The following KIF27 variants were observed in gnomAD, a reference collection of about 807,000 sequenced individuals.
KIF27 encodes kinesin family member 27, also known as kinesin-like protein KIF27.
Under a neutral mutation model 141.8 loss-of-function variants are expected in KIF27, and 84 were observed. The ratio of observed to expected loss-of-function variants is 0.59; its 90% CI spans 0.50 to 0.71. KIF27 has a LOEUF of 0.71. Ranked by LOEUF, KIF27 falls within the 30% of genes least tolerant of loss-of-function variation. The pLI, the probability that KIF27 is intolerant of heterozygous loss-of-function variation, is 0.00. For missense variants in KIF27, 1,306 were observed against 1,628.4 expected (o/e 0.80, Z 3.41); for synonymous variants, 471 against 569.5 (o/e 0.83, Z 2.46).
chr9:83,857,044 C>A (rs1588019148), intron 14 of KIF27, among the ~76,000 whole-genome samples: 2 of 143,490 alleles, frequency 1.4e-5, no homozygotes. Flanking sequence ...ATCTAAAGTT[C>A]AGGTATTCTT....
chr9:83,850,942 A>G (rs1035109031), intron 15 of KIF27, among the ~76,000 whole-genome samples: 3 of 126,776 alleles, frequency 2.4e-5, no homozygotes, highest in African/African-American at 9.4e-5. Flanking sequence ...GGTTCATGCC[A>G]TTCTCCTGCC....
intron 5 of KIF27, among the ~76,000 whole-genome samples, chr9:83,891,941 T>C (rs949066145): frequency 1.3e-5 from 2 of 152,048 alleles, no homozygotes; most frequent in African/African-American, 4.8e-5. Flanking sequence ...TGCAGGGAAG[T>C]GAAAGCCTTA....
rs35742494 is a variant in KIF27 at position 83,867,637 on chromosome 9, A to G, written c.2934+47T>C. On this transcript the variant is annotated intron_variant, in intron 13 of 17. Transcript: ENST00000297814. ...GATTATAGCCATCCTAGTGGGGAGT[A>G]GGGAGTGGTTTACAACCAGAATCAA... 2.0e-4 allele frequency: 307 copies of G among 1,530,926 alleles called. 1 individual carries two copies. The African/African-American group carries it at 3.7e-3, about 19-fold the overall frequency. 94.8% of individuals were successfully genotyped at this position (1,530,926 alleles called of 1,614,324 possible).
chr9:83,892,239 GA>G (rs749492273), intron 5 of KIF27, among the ~76,000 whole-genome samples: 27 of 151,566 alleles, frequency 1.8e-4, no homozygotes, highest in African/African-American at 5.8e-4. Flanking sequence ...GTTGAAATAG[GA>G]AAAAAAACCT....
Position 83,859,084 on chromosome 9 carries a change from T to C in KIF27, c.3150+72A>G, listed in dbSNP as rs530419565. On this transcript the variant is annotated intron_variant, in intron 14 of 17. Coordinates refer to ENST00000297814, the MANE Select transcript of KIF27 (RefSeq NM_017576.4). ...TTACCAGATAATATTTATGATTATG[T>C]GAAAAAGACTGAGGAAATCACTCAA... is the stretch of plus-strand genomic sequence containing the variant. 21 of 1,045,588 alleles carry C rather than the reference T, an allele frequency of 2.0e-5. No individual in the cohort carries two copies. In the African/African-American group the frequency reaches 2.5e-4, roughly 13 times the overall value. 64.8% of individuals were successfully genotyped at this position (1,045,588 alleles called of 1,614,324 possible). A position where few individuals can be genotyped will look rare whatever the true frequency, so the allele number is the denominator to read the frequency against.
In KIF27 at chr9:83,918,669, A is replaced by C. The variant is rs548539316; in HGVS notation, c.-88+2702T>G. Among the ~76,000 whole-genome samples the C allele has an allele frequency of 6.7e-4, 102 of 152,286 alleles. 1 individual carries two copies. Among genetic ancestry groups the C allele is most frequent in the African/African-American group, 2.5e-3 (102 of 41,572 alleles). ...AATCACAATGAGAGGCCAGGTGCAC[A>C]GTGGTTCATGCCTGTAATCCCAGAA... On this transcript the variant is annotated intron_variant, in intron 1 of 17. Coordinates refer to ENST00000297814, the MANE Select transcript of KIF27 (RefSeq NM_017576.4).
chr9:83,879,055 G>A (rs536254801), intron 11 of KIF27, among the ~76,000 whole-genome samples: 4 of 150,902 alleles, frequency 2.7e-5, no homozygotes, highest in East Asian at 2.0e-4. Context: ...GTGCACGCCT[G>A]TAATCCCAGC....
At chr9:83,905,021 T>C (rs1245177813) in intron 3 of KIF27, among the ~76,000 whole-genome samples, 5 of 151,606 alleles carry the variant, frequency 3.3e-5, no homozygotes, top group Non-Finnish European at 7.4e-5. Context: ...TAATGTACCA[T>C]ACTCAAAAAA....
intron 13 of KIF27, among the ~76,000 whole-genome samples, chr9:83,866,369 C>T (rs1201074040): frequency 1.3e-5 from 2 of 152,190 alleles, no homozygotes; most frequent in Non-Finnish European, 1.5e-5. Context: ...CTTGGCCTGG[C>T]TCTCATTTGT....
At chr9:83,846,071 T>C (rs1947233350) in intron 16 of KIF27, among the ~76,000 whole-genome samples, 1 of 151,954 alleles carries the variant, frequency 6.6e-6, no homozygotes, top group African/African-American at 2.4e-5. Context: ...CTCAGCAACA[T>C]GGACTTCCAC....
rs372447063 is a variant in KIF27, at chr9:83,836,977, A to G, written c.*24T>C. The G allele has an allele frequency of 2.4e-4, 377 of 1,600,994 alleles. 3 individuals carry two copies. Among genetic ancestry groups the G allele is most frequent in the South Asian group, 2.1e-3 (184 of 88,494 alleles). On this transcript the variant is annotated 3_prime_UTR_variant, in exon 18 of 18. Transcript: ENST00000297814. ...GAAAAAGGAATCTTTTTACATATCT[A>G]CTAAAAGTTCTATTATTCAATGTCT...
chr9:83,849,775 A>G (rs1948322252), intron 16 of KIF27, among the ~76,000 whole-genome samples: 1 of 152,230 alleles, frequency 6.6e-6, no homozygotes, highest in Admixed American at 6.5e-5. Flanking sequence ...GAAATAAAAA[A>G]AAATTCAACT....
chr9:83,871,646 C>G (rs1258333496), intron 11 of KIF27, among the ~76,000 whole-genome samples: 1 of 151,192 alleles, frequency 6.6e-6, no homozygotes, highest in Non-Finnish European at 1.5e-5. Context: ...GAAGACAGAT[C>G]ATGGTCTTAT....
chr9:83,914,381 C>T (rs1281732599), intron 2 of KIF27, among the ~76,000 whole-genome samples: 1 of 152,046 alleles, frequency 6.6e-6, no homozygotes, highest in Non-Finnish European at 1.5e-5. Context: ...CTTAAGGCTC[C>T]TCCATTTTAA....
intron 15 of KIF27, among the ~76,000 whole-genome samples, chr9:83,851,546 C>T (rs1201884772): frequency 4.6e-5 from 7 of 152,102 alleles, no homozygotes; most frequent in Non-Finnish European, 7.3e-5. Context: ...TTCGTAGAGA[C>T]GGTCTCACTA....
intron 14 of KIF27, chr9:83,858,573 C>A (rs1472742156): frequency 6.6e-6 from 1 of 152,124 alleles, no homozygotes; most frequent in Non-Finnish European, 1.5e-5. Context: ...ATAAATGAAT[C>A]ATCTTCTACA....
In KIF27 at chr9:83,834,148, T is replaced by C. The variant is rs1327529312; in HGVS notation, c.*2853A>G. Among the ~76,000 whole-genome samples, 1 of 151,812 alleles carries C rather than the reference T, an allele frequency of 6.6e-6. No homozygotes were observed. Among genetic ancestry groups the C allele is most frequent in the Non-Finnish European group, 1.5e-5 (1 of 67,910 alleles). ...CAGTTAAGAGGAAAAAAGAACATAATGAACGAAAAAAAGAAAACCACAAAC... is the reference window on the plus strand; with the variant it reads ...CAGTTAAGAGGAAAAAAGAACATAACGAACGAAAAAAAGAAAACCACAAAC... On this transcript the variant is annotated 3_prime_UTR_variant, in exon 18 of 18. Coordinates refer to ENST00000297814, the MANE Select transcript of KIF27 (RefSeq NM_017576.4).
chr9:83,918,375 G>A (rs77248201), intron 1 of KIF27, among the ~76,000 whole-genome samples: 2,346 of 151,306 alleles, frequency 0.016, 83 homozygotes, highest in African/African-American at 0.055. Flanking sequence ...AAGGAAAAAC[G>A]ACATCAAAAT....
rs774499624 is a variant in KIF27, at chr9:83,883,835, T to C, written c.2423A>G (p.Asp808Gly). Residue 808 changes from aspartate to glycine, a missense_variant, in exon 10 of 18, where the codon GAT (aspartate) becomes GGT (glycine). Physicochemically the swap from Asp to Gly is moderately conservative, Grantham distance 94. Around this residue, in one of 4 missense-constraint regions of KIF27, gnomAD observed 596 missense variants for 751.6 expected, o/e 0.79. Coordinates refer to ENST00000297814, the MANE Select transcript of KIF27 (RefSeq NM_017576.4). ...KLQKEFRKKM[D>G]AAKLRVQVLQ... ...TACCTGAACTCTCAGCTTTGCAGCA[T>C]CCATCTTTTTACGAAACTCTTTCTG... 1 of 1,611,800 alleles carries C rather than the reference T, an allele frequency of 6.2e-7. No individual in the cohort carries two copies. The highest frequency in any genetic ancestry group is 1.1e-5 in the South Asian group (1 of 91,056).
Sources: gnomAD v4.1 joint callset for allele counts (sites outside exome capture counted in the v4.1 genomes callset) on GRCh38, gnomAD v4.1.1 for gene constraint, gnomAD v4.1.1 regional missense constraint, MANE v1.5 for transcripts, NCBI Gene and HGNC (gene_info 2026-07-23, HGNC 2026-07-21) for gene names.